Variants in BEND7 observed in about 807,000 individuals in gnomAD.
BEND7 encodes the protein BEN domain-containing protein 7.
In BEND7, 28 loss-of-function variants were observed where a neutral mutation model predicts 50.9. The observed-to-expected ratio is 0.55, with a 90% CI of 0.41 to 0.75. The LOEUF (loss-of-function observed/expected upper bound fraction) is 0.75. Among genes scored for constraint, BEND7 ranks in the 30% least tolerant of loss-of-function variants. BEND7 has a pLI of 0.00. For missense variants in BEND7, 477 were observed against 491.3 expected (o/e 0.97, Z 0.28); for synonymous variants, 170 against 183.9 (o/e 0.92, Z 0.61).
chr10:13,447,098 A>G (rs1279729922), intron 8 of BEND7, 168 bp downstream of exon 8: 2 of 683,974 alleles, frequency 2.9e-6, no homozygotes, highest in Non-Finnish European at 5.2e-6. Flanking sequence ...TATGAAAAAC[A>G]TCTCTGAGTA....
chr10:13,522,949 T>C (rs981013408), intron 2 of BEND7, among the ~76,000 whole-genome samples: 1 of 152,196 alleles, frequency 6.6e-6, no homozygotes, highest in African/African-American at 2.4e-5. Flanking sequence ...AAGTGCTCAG[T>C]GTGCTGCCTT....
chr10:13,458,406 T>C (rs984238293), intron 6 of BEND7, among the ~76,000 whole-genome samples: 4 of 152,208 alleles, frequency 2.6e-5, no homozygotes. Context: ...AATTTGGGTT[T>C]TTCTGGCTGG....
chr10:13,441,663 T>C lies in BEND7; in HGVS notation c.*80A>G. 1 of 1,607,580 alleles carries C rather than the reference T, an allele frequency of 6.2e-7. No individual in the cohort carries two copies. Among genetic ancestry groups the C allele is most frequent in the Non-Finnish European group, 8.5e-7 (1 of 1,177,706 alleles). On this transcript the variant is annotated 3_prime_UTR_variant, in exon 9 of 9. Coordinates refer to ENST00000466271, the MANE Select transcript of BEND7 (RefSeq NM_001369863.1). ...TAATCTTCTCCCTTCCCTTGGGTAG[T>C]AGCTCCTTGTGGGAGGCAGAGGACG...
At chr10:13,479,746 C>CTG (rs2075720779) in intron 6 of BEND7, among the ~76,000 whole-genome samples, 1 of 152,210 alleles carries the variant, frequency 6.6e-6, no homozygotes, top group African/African-American at 2.4e-5. Context: ...TACAACTCAA[C>CTG]TGTCACTTTA....
At chr10:13,503,730 A>G (rs1237063766) in intron 2 of BEND7, among the ~76,000 whole-genome samples, 1 of 152,036 alleles carries the variant, frequency 6.6e-6, no homozygotes, top group African/African-American at 2.4e-5. Context: ...CAAACAAACA[A>G]ACAAACAACA....
intron 7 of BEND7, among the ~76,000 whole-genome samples, chr10:13,450,024 T>C (rs1424307980): frequency 4.6e-5 from 7 of 152,268 alleles, no homozygotes; most frequent in South Asian, 2.1e-4. Flanking sequence ...ACACGATATA[T>C]TGTGATTTCA....
At chr10:13,529,432 C>T (rs969737556), upstream of BEND7, among the ~76,000 whole-genome samples, 2 of 152,096 alleles carry the variant, frequency 1.3e-5, no homozygotes, top group Non-Finnish European at 2.9e-5. Flanking sequence ...AAAAACTTAC[C>T]CATTTGCGCT....
chr10:13,475,655 C>T (rs2399976), intron 6 of BEND7, among the ~76,000 whole-genome samples: 96,258 of 152,150 alleles, frequency 0.63, 31,239 homozygotes, highest in East Asian at 0.86. Flanking sequence ...CATAAACAAC[C>T]GACTGGTCAT....
chr10:13,469,479 G>A (rs2074586112), intron 6 of BEND7, among the ~76,000 whole-genome samples: 1 of 152,112 alleles, frequency 6.6e-6, no homozygotes, highest in South Asian at 2.1e-4. Flanking sequence ...GAAGGTTATG[G>A]AATTATTATT....
At chr10:13,507,315 C>T (rs535165707) in intron 2 of BEND7, among the ~76,000 whole-genome samples, 1 of 152,162 alleles carries the variant, frequency 6.6e-6, no homozygotes, top group African/African-American at 2.4e-5. Flanking sequence ...ACTCTCTCTC[C>T]CCGCGCCAGT....
At chr10:13,525,096 G>A (rs1379901698) in intron 2 of BEND7, among the ~76,000 whole-genome samples, 7 of 152,060 alleles carry the variant, frequency 4.6e-5, no homozygotes, top group African/African-American at 1.7e-4. Context: ...AATCGTTCTC[G>A]CTCTGACCTC....
chr10:13,487,362 G>A (rs2399971), intron 5 of BEND7, among the ~76,000 whole-genome samples: 81,126 of 147,596 alleles, frequency 0.55, 23,390 homozygotes, highest in East Asian at 0.76. Flanking sequence ...AGGCATACAT[G>A]GCCTCAATTT....
At chr10:13,504,009 G>T (rs1476416119) in intron 2 of BEND7, among the ~76,000 whole-genome samples, 1 of 152,214 alleles carries the variant, frequency 6.6e-6, no homozygotes, top group Non-Finnish European at 1.5e-5. Context: ...CTCCACAGCA[G>T]GGAATGATGA....
intron 7 of BEND7, among the ~76,000 whole-genome samples, chr10:13,447,636 C>T (rs566127254): frequency 4.6e-5 from 7 of 150,612 alleles, no homozygotes; most frequent in Non-Finnish European, 8.9e-5. Flanking sequence ...CTCCGCCTCC[C>T]GGGTTCACGC....
intron 2 of BEND7, among the ~76,000 whole-genome samples, chr10:13,501,172 C>T (rs930742220): frequency 1.3e-5 from 2 of 151,634 alleles, no homozygotes; most frequent in East Asian, 2.0e-4. Flanking sequence ...GTCGGGAGTT[C>T]GAGACCAGCC....
chr10:13,452,776 C>T (rs926842492), intron 6 of BEND7, 118 bp from the exon 7 acceptor site: 7 of 904,108 alleles, frequency 7.7e-6, no homozygotes, highest in African/African-American at 1.7e-5. Flanking sequence ...CAGTTCTGCA[C>T]GATATGTCTT....
intron 2 of BEND7, chr10:13,503,037 G>A (rs952979303): frequency 6.0e-5 from 35 of 579,506 alleles, no homozygotes; most frequent in Middle Eastern, 1.8e-3. Flanking sequence ...CCTTCTGAGG[G>A]CAAATCTGCT....
intron 6 of BEND7, among the ~76,000 whole-genome samples, chr10:13,470,714 C>T (rs977906582): frequency 3.3e-5 from 5 of 152,182 alleles, no homozygotes; most frequent in African/African-American, 4.8e-5. Flanking sequence ...GTGGCCCCAA[C>T]GGCAGGGATC....
chr10:13,454,975 C>T (rs1013977875), intron 6 of BEND7, among the ~76,000 whole-genome samples: 12 of 152,184 alleles, frequency 7.9e-5, no homozygotes, highest in African/African-American at 2.7e-4. Flanking sequence ...AGTTCGAGAC[C>T]AGCCTGGCCA....
Sources: allele counts gnomAD v4.1 joint callset (sites outside exome capture counted in the v4.1 genomes callset), GRCh38; gene constraint gnomAD v4.1.1; transcripts MANE v1.5; gene names NCBI Gene and HGNC (gene_info 2026-07-23, HGNC 2026-07-21).